METTL8: variants seen among roughly 807,000 people sequenced by gnomAD.
METTL8 encodes the protein methyltransferase 8, tRNA N3-cytidine.
In METTL8, 32 loss-of-function variants were observed where a neutral mutation model predicts 48.7. The observed-to-expected ratio is 0.66, with a 90% CI of 0.50 to 0.88. The LOEUF (loss-of-function observed/expected upper bound fraction) is 0.88. Among genes scored for constraint, METTL8 ranks in the 40% least tolerant of loss-of-function variants. METTL8 has a pLI of 0.00. For missense variants in METTL8, 464 were observed against 474.4 expected, an observed-to-expected ratio of 0.98 and a Z score of 0.20; for synonymous variants, 136 against 157.1, an observed-to-expected ratio of 0.87 and a Z score of 1.01.
intron 2 of METTL8, among the ~76,000 whole-genome samples, chr2:171,382,545 G>C (rs936991282): frequency 6.6e-6 from 1 of 151,916 alleles, no homozygotes; most frequent in African/African-American, 2.4e-5. Flanking sequence ...CATACACAGG[G>C]GCCTGTCCAG....
intron 1 of METTL8, among the ~76,000 whole-genome samples, chr2:171,427,679 C>T (rs2105676785): frequency 6.6e-6 from 1 of 152,364 alleles, no homozygotes; most frequent in East Asian, 1.9e-4. Flanking sequence ...CCTTCCCTGA[C>T]CACTCTGGCT....
intron 1 of METTL8, among the ~76,000 whole-genome samples, chr2:171,409,494 T>C (rs563197052): frequency 6.6e-6 from 1 of 152,126 alleles, no homozygotes; most frequent in African/African-American, 2.4e-5. Context: ...AAAATGAAAG[T>C]AACAATCAAG....
intron 7 of METTL8, among the ~76,000 whole-genome samples, chr2:171,328,998 T>G (rs1350964694): frequency 1.4e-5 from 2 of 144,282 alleles, no homozygotes; most frequent in Non-Finnish European, 3.0e-5. Flanking sequence ...CTTTTATTTT[T>G]TTTTTGAGAC....
At chr2:171,423,306 A>G (rs557844693) in intron 1 of METTL8, among the ~76,000 whole-genome samples, 4 of 152,294 alleles carry the variant, frequency 2.6e-5, no homozygotes, top group Admixed American at 2.6e-4. Context: ...GGTACCAGGA[A>G]TGGGGTGCTG....
At chr2:171,433,498 C>A (rs1218614214) in intron 1 of METTL8, among the ~76,000 whole-genome samples, 1 of 152,160 alleles carries the variant, frequency 6.6e-6, no homozygotes, top group Non-Finnish European at 1.5e-5. Context: ...CGGTGGGACA[C>A]ATGTGGTGCA....
intron 4 of METTL8, among the ~76,000 whole-genome samples, chr2:171,338,374 A>T (rs1686333348): frequency 6.6e-6 from 1 of 152,190 alleles, no homozygotes; most frequent in South Asian, 2.1e-4. Flanking sequence ...ACAGTGGCTC[A>T]TGCCTGTAAT....
chr2:171,386,087 T>C (rs918186636), intron 2 of METTL8, among the ~76,000 whole-genome samples: 2 of 152,240 alleles, frequency 1.3e-5, no homozygotes, highest in Non-Finnish European at 2.9e-5. Context: ...CTGGACCAGA[T>C]GATCCTTGCT....
chr2:171,352,317 G>T (rs952737844), intron 3 of METTL8, among the ~76,000 whole-genome samples: 1 of 152,110 alleles, frequency 6.6e-6, no homozygotes, highest in Non-Finnish European at 1.5e-5. Flanking sequence ...AAGCCCATTT[G>T]GTCATGGTGG....
At chr2:171,383,376 T>C (rs976705335) in intron 2 of METTL8, among the ~76,000 whole-genome samples, 19 of 152,028 alleles carry the variant, frequency 1.2e-4, no homozygotes, top group African/African-American at 4.6e-4. Context: ...CCTTGGTGAG[T>C]CATGAAATCA....
At chr2:171,354,460 T>C (rs2105456295) in intron 3 of METTL8, among the ~76,000 whole-genome samples, 1 of 152,240 alleles carries the variant, frequency 6.6e-6, no homozygotes, top group East Asian at 1.9e-4. Flanking sequence ...TCTCGAGGAG[T>C]ATCTTTGTGG....
At chr2:171,329,331 T>G (rs1685285095) in intron 7 of METTL8, among the ~76,000 whole-genome samples, 1 of 152,208 alleles carries the variant, frequency 6.6e-6, no homozygotes, top group South Asian at 2.1e-4. Flanking sequence ...CATGAGAAAA[T>G]ACATTATCTG....
chr2:171,365,739 A>G (rs565022535), intron 2 of METTL8, among the ~76,000 whole-genome samples: 1 of 152,364 alleles, frequency 6.6e-6, no homozygotes, highest in African/African-American at 2.4e-5. Context: ...GCCATGACAG[A>G]GTACCTGGCA....
chr2:171,362,701 T>C (rs937192294), intron 2 of METTL8, among the ~76,000 whole-genome samples: 3 of 152,106 alleles, frequency 2.0e-5, no homozygotes, highest in Admixed American at 2.0e-4. Context: ...TAAAACTGAA[T>C]CATGTACAAG....
chr2:171,325,359 A>G (rs2105384392), intron 9 of METTL8, among the ~76,000 whole-genome samples: 1 of 152,260 alleles, frequency 6.6e-6, no homozygotes, highest in East Asian at 1.9e-4. Flanking sequence ...TAATTAAAAA[A>G]AAATTGTTTT....
At chr2:171,421,259 T>C (rs955951702) in intron 1 of METTL8, among the ~76,000 whole-genome samples, 1 of 152,134 alleles carries the variant, frequency 6.6e-6, no homozygotes, top group African/African-American at 2.4e-5. Context: ...AGCAAACATA[T>C]AGTTAGAAAA....
intron 2 of METTL8, among the ~76,000 whole-genome samples, chr2:171,378,086 C>A (rs1687155138): frequency 6.6e-6 from 1 of 152,170 alleles, no homozygotes; most frequent in African/African-American, 2.4e-5. Context: ...TCACACATAA[C>A]AATATTAACC....
chr2:171,424,086 C>G (rs1692151375), intron 1 of METTL8, among the ~76,000 whole-genome samples: 1 of 152,344 alleles, frequency 6.6e-6, no homozygotes, highest in East Asian at 1.9e-4. Context: ...AGGGGACAAG[C>G]TCCAAGCCTT....
intron 3 of METTL8, among the ~76,000 whole-genome samples, chr2:171,344,187 T>C (rs1687050930): frequency 6.6e-6 from 1 of 152,242 alleles, no homozygotes; most frequent in African/African-American, 2.4e-5. Context: ...AATGCTTTAC[T>C]TGGATTTTTC....
In METTL8 at chr2:171,316,824, C is replaced by T. The variant is rs1684285497; in HGVS notation, c.*7348G>A. Among the ~76,000 whole-genome samples, 1 of 152,194 alleles carries T rather than the reference C, an allele frequency of 6.6e-6. No individual in the cohort carries two copies. Among genetic ancestry groups the T allele is most frequent in the Non-Finnish European group, 1.5e-5 (1 of 68,048 alleles). ...GTTTCAATGCAGCATGTGATACTGGCAATTTCAGCCATTCTCTTTCAGGCA... is the reference window on the plus strand; with the variant it reads ...GTTTCAATGCAGCATGTGATACTGGTAATTTCAGCCATTCTCTTTCAGGCA... On this transcript the variant is annotated 3_prime_UTR_variant, in exon 10 of 10. Coordinates refer to ENST00000375258, the MANE Select transcript of METTL8 (RefSeq NM_001321154.2).
Sources: gnomAD v4.1 joint callset for allele counts (sites outside exome capture counted in the v4.1 genomes callset) on GRCh38, gnomAD v4.1.1 for gene constraint, MANE v1.5 for transcripts, NCBI Gene and HGNC (gene_info 2026-07-23, HGNC 2026-07-21) for gene names.